SND1: variants seen among roughly 807,000 people sequenced by gnomAD.
SND1 encodes staphylococcal nuclease and tudor domain containing 1.
A neutral mutation model predicts 121.7 loss-of-function variants in SND1; 38 were observed. The observed-to-expected ratio is 0.31, with a 90% confidence interval of 0.24 to 0.41. The LOEUF (loss-of-function observed/expected upper bound fraction) is 0.41, where lower values mean the gene tolerates loss of function less well. Among genes scored for constraint, SND1 ranks in the 10% least tolerant of loss-of-function variants. The pLI, the probability that SND1 is intolerant of heterozygous loss-of-function variation, is 1.00. For missense variants in SND1, 868 were observed against 1,184.6 expected (o/e 0.73, Z 3.92); for synonymous variants, 401 against 447.4 (o/e 0.90, Z 1.31).
chr7:127,896,338 A>G (rs1800119141), intron 13 of SND1, among the ~76,000 whole-genome samples: 1 of 152,124 alleles, frequency 6.6e-6, no homozygotes, highest in African/African-American at 2.4e-5. Context: ...TATAATTTCA[A>G]TCCAAAATAA....
At chr7:128,078,828 G>T (rs1019541499) in intron 17 of SND1, among the ~76,000 whole-genome samples, 2 of 152,250 alleles carry the variant, frequency 1.3e-5, no homozygotes, top group Admixed American at 6.5e-5. Flanking sequence ...AGGCTCAGGG[G>T]CCATGGCCCA....
At chr7:127,988,593 T>C (rs1236921716) in intron 15 of SND1, among the ~76,000 whole-genome samples, 1 of 152,224 alleles carries the variant, frequency 6.6e-6, no homozygotes, top group Non-Finnish European at 1.5e-5. Context: ...CTTGGTGGTC[T>C]CCAGGATTCA....
chr7:127,754,214 G>A (rs1284096410), intron 10 of SND1, among the ~76,000 whole-genome samples: 1 of 152,134 alleles, frequency 6.6e-6, no homozygotes, highest in African/African-American at 2.4e-5. Flanking sequence ...TGAAAATAGG[G>A]CTCAGATTGA....
chr7:127,730,799 G>A (rs964435152), intron 10 of SND1, among the ~76,000 whole-genome samples: 1 of 152,112 alleles, frequency 6.6e-6, no homozygotes, highest in Non-Finnish European at 1.5e-5. Context: ...CTCACTGGGG[G>A]CCTTTACTCA....
In SND1 at chr7:127,668,136, G is replaced by A. The variant is rs117283084; in HGVS notation, c.78+15685G>A. ...AGTCACCTGAGAACTTGTTAGAAAT[G>A]TAGACCCTCAGACCCTACCCCAAAA... On this transcript the variant is annotated intron_variant, in intron 1 of 23. Transcript: ENST00000354725. Among the ~76,000 whole-genome samples the A allele has an allele frequency of 8.5e-3, 1,294 of 152,306 alleles. 13 individuals are homozygous for A. The highest frequency in any genetic ancestry group is 0.013 in the Non-Finnish European group (884 of 68,024).
intron 15 of SND1, among the ~76,000 whole-genome samples, chr7:127,935,839 T>C (rs1482506762): frequency 6.6e-6 from 1 of 152,196 alleles, no homozygotes; most frequent in Non-Finnish European, 1.5e-5. Flanking sequence ...AAGGGGAAAG[T>C]CAAGATAATT....
chr7:127,903,068 G>C (rs1800267611), intron 13 of SND1, among the ~76,000 whole-genome samples: 1 of 151,972 alleles, frequency 6.6e-6, no homozygotes, highest in Non-Finnish European at 1.5e-5. Flanking sequence ...ATTTTTAGTA[G>C]AGACAGGGTT....
chr7:127,686,929 A>T lies in SND1; in HGVS notation c.228+167A>T. 5 of 694,992 alleles carry T rather than the reference A, an allele frequency of 7.2e-6. No individual in the cohort carries two copies. In the South Asian group the frequency reaches 8.5e-5, roughly 12 times the overall value. The allele number at this position is 694,992 out of a possible 1,614,324, so 43.1% of individuals were successfully genotyped here. On this transcript the variant is annotated intron_variant, in intron 2 of 23. Coordinates refer to ENST00000354725, the MANE Select transcript of SND1 (RefSeq NM_014390.4). ...CACAAGCAGCTTGTATCTGTTGTTT[A>T]TATGTTTACTACCTTTAGTGGCAGT...
chr7:127,745,558 A>G (rs1796967005), intron 10 of SND1, among the ~76,000 whole-genome samples: 1 of 152,148 alleles, frequency 6.6e-6, no homozygotes, highest in South Asian at 2.1e-4. Context: ...TTCCCTGATT[A>G]AAATGCCTAC....
rs1317621798 is a variant in SND1 at position 127,856,618 on chromosome 7, ATTG to A, written c.1343+12198_1343+12200del. On this transcript the variant is annotated intron_variant, in intron 12 of 23. Coordinates refer to ENST00000354725, the MANE Select transcript of SND1 (RefSeq NM_014390.4). ...GTGGACTGCCTTCTATCAGATTTCC[ATTG>A]TTGGTTTTACATGGAGTCTTCTGAC... is the stretch of plus-strand genomic sequence containing the variant. Among the ~76,000 whole-genome samples, 7 of 152,320 alleles carry A rather than the reference ATTG, an allele frequency of 4.6e-5. No homozygotes were observed. The South Asian group carries it at 1.2e-3, about 27-fold the overall frequency.
intron 15 of SND1, among the ~76,000 whole-genome samples, chr7:127,955,495 G>C (rs1022967404): frequency 6.6e-6 from 1 of 152,148 alleles, no homozygotes; most frequent in Non-Finnish European, 1.5e-5. Flanking sequence ...CCCCTAGCCA[G>C]TGGAGTTGTG....
intron 10 of SND1, among the ~76,000 whole-genome samples, chr7:127,806,854 G>A (rs1798247414): frequency 6.6e-6 from 1 of 152,164 alleles, no homozygotes; most frequent in Admixed American, 6.5e-5. Flanking sequence ...AGCTACTGTG[G>A]AGGCTGAGGC....
intron 16 of SND1, chr7:128,028,454 G>A (rs902160014): frequency 5.5e-5 from 25 of 453,784 alleles, no homozygotes; most frequent in East Asian, 7.5e-5. Flanking sequence ...ACCCCACAAC[G>A]TTCCCAAGAT....
chr7:127,891,557 T>A (rs1226859155), intron 13 of SND1, among the ~76,000 whole-genome samples: 2 of 152,102 alleles, frequency 1.3e-5, no homozygotes, highest in Admixed American at 1.3e-4. Context: ...TGTTTTTTCC[T>A]AGATAGATTA....
intron 1 of SND1, 47 bp from the exon 2 acceptor site, chr7:127,686,566 G>A: frequency 1.9e-6 from 3 of 1,587,124 alleles, no homozygotes; most frequent in Non-Finnish European, 8.6e-7. Flanking sequence ...GCATTATGGT[G>A]ATACGGCCTC....
chr7:127,697,522 G>A (rs1468247615), intron 3 of SND1, among the ~76,000 whole-genome samples: 1 of 152,024 alleles, frequency 6.6e-6, no homozygotes, highest in South Asian at 2.1e-4. Flanking sequence ...TCCCTTAATT[G>A]TTGAGTCCTT....
intron 10 of SND1, among the ~76,000 whole-genome samples, chr7:127,735,829 G>A (rs535802479): frequency 6.6e-6 from 1 of 152,130 alleles, no homozygotes; most frequent in Admixed American, 6.5e-5. Context: ...GTTTCACTGT[G>A]TTGACCAGGC....
At chr7:127,812,128 T>G (rs1798345441) in intron 11 of SND1, among the ~76,000 whole-genome samples, 1 of 152,256 alleles carries the variant, frequency 6.6e-6, no homozygotes, top group Admixed American at 6.5e-5. Flanking sequence ...TTTTAATTGC[T>G]ATGCTGAATT....
At chr7:127,659,441 G>T (rs1795271183) in intron 1 of SND1, among the ~76,000 whole-genome samples, 1 of 152,150 alleles carries the variant, frequency 6.6e-6, no homozygotes, top group African/African-American at 2.4e-5. Context: ...TGCCATTTTT[G>T]AAATGTGTAA....
Sources: gnomAD v4.1 joint callset for allele counts (sites outside exome capture counted in the v4.1 genomes callset) on GRCh38, gnomAD v4.1.1 for gene constraint, MANE v1.5 for transcripts, NCBI Gene and HGNC (gene_info 2026-07-23, HGNC 2026-07-21) for gene names.